Variants in ETFDH observed in about 807,000 individuals in gnomAD.
ETFDH encodes electron transfer flavoprotein dehydrogenase.
A neutral mutation model predicts 73.2 loss-of-function variants in ETFDH; 61 were observed. That is an observed-to-expected ratio of 0.83 (90% CI 0.68 to 1.03). ETFDH has a LOEUF of 1.03. Ranked by LOEUF, ETFDH falls within the 50% of genes least tolerant of loss-of-function variation. The probability of loss-of-function intolerance (pLI) is 0.00; values close to 1 mark genes in which losing one functional copy is unlikely to be tolerated. For synonymous variants in ETFDH, 243 were observed against 253.3 expected (o/e 0.96, Z 0.39); for missense variants, 685 against 745.0 (o/e 0.92, Z 0.94).
chr4:158,680,941 A>G (rs749317791), intron 2 of ETFDH, among the ~76,000 whole-genome samples: 1 of 152,236 alleles, frequency 6.6e-6, no homozygotes, highest in Non-Finnish European at 1.5e-5. Context: ...TTAAAAGTCT[A>G]CCATATACAA....
intron 5 of ETFDH, among the ~76,000 whole-genome samples, chr4:158,687,710 A>G (rs1242147409): frequency 1.3e-5 from 2 of 152,140 alleles, no homozygotes; most frequent in African/African-American, 4.8e-5. Flanking sequence ...ACATCACACT[A>G]TTGATTCTTA....
In ETFDH at chr4:158,708,600, A is replaced by C; in HGVS notation, c.*73A>C. 7.9e-7 allele frequency: 1 copy of C among 1,262,792 alleles called. No individual in the cohort carries two copies. Among genetic ancestry groups the C allele is most frequent in the Non-Finnish European group, 1.2e-6 (1 of 862,896 alleles). 78.2% of individuals were successfully genotyped at this position (1,262,792 alleles called of 1,614,324 possible). ...TGTTTAGAGATTAACAGATTTCAGA[A>C]TGTCTTTCTGCATATTACTGAACAG... On this transcript the variant is annotated 3_prime_UTR_variant, in exon 13 of 13. Transcript: ENST00000511912.
At chr4:158,706,885 T>A in intron 12 of ETFDH, 35 bp downstream of exon 12, 1 of 1,360,118 alleles carries the variant, frequency 7.4e-7, no homozygotes, top group Non-Finnish European at 1.1e-6. Flanking sequence ...ATATTTGCTT[T>A]AAACATTTTA....
At chr4:158,682,012 G>A (rs1773871662) in intron 2 of ETFDH, 183 bp from the exon 3 acceptor site, 2 of 740,672 alleles carry the variant, frequency 2.7e-6, no homozygotes, top group Non-Finnish European at 4.3e-6. Flanking sequence ...AGTATGTACT[G>A]GAACAGAACC....
chr4:158,705,428 C>T (rs1213529543), intron 10 of ETFDH, among the ~76,000 whole-genome samples: 1 of 152,186 alleles, frequency 6.6e-6, no homozygotes, highest in Non-Finnish European at 1.5e-5. Context: ...TAGTAGACCT[C>T]TTCTTAACTA....
chr4:158,708,313 A>T, intron 12 of ETFDH, 51 bp from the exon 13 acceptor site: 1 of 1,427,860 alleles, frequency 7.0e-7, no homozygotes, highest in Non-Finnish European at 9.8e-7. Context: ...TTTTGAATTT[A>T]AAAATTTTTT....
intron 6 of ETFDH, among the ~76,000 whole-genome samples, chr4:158,693,388 C>G (rs1456876534): frequency 6.6e-6 from 1 of 152,152 alleles, no homozygotes; most frequent in Non-Finnish European, 1.5e-5. Context: ...GGTTAAGTAA[C>G]TTGGCTGGGG....
chr4:158,695,737 G>A (rs1032143917), intron 7 of ETFDH, 94 bp downstream of exon 7: 2 of 869,210 alleles, frequency 2.3e-6, no homozygotes, highest in Non-Finnish European at 3.8e-6. Flanking sequence ...TTTAATTTTA[G>A]TTATATTTTT....
chr4:158,676,599 C>T (rs1211408247), intron 1 of ETFDH, among the ~76,000 whole-genome samples: 1 of 152,198 alleles, frequency 6.6e-6, no homozygotes, highest in Non-Finnish European at 1.5e-5. Context: ...AAAGTTAGTT[C>T]AGCCTACTCC....
chr4:158,688,808 A>G (rs1211498354), intron 5 of ETFDH, among the ~76,000 whole-genome samples: 1 of 152,256 alleles, frequency 6.6e-6, no homozygotes, highest in Non-Finnish European at 1.5e-5. Flanking sequence ...CATTACATAC[A>G]TGTTAACTGT....
intron 1 of ETFDH, among the ~76,000 whole-genome samples, chr4:158,676,292 G>A (rs1158682953): frequency 1.3e-5 from 2 of 151,990 alleles, no homozygotes; most frequent in African/African-American, 2.4e-5. Flanking sequence ...GGAGCCAAAC[G>A]ACCAGATGAG....
At chr4:158,681,037 G>A (rs1370224417) in intron 2 of ETFDH, among the ~76,000 whole-genome samples, 2 of 36,554 alleles carry the variant, frequency 5.5e-5, no homozygotes, top group Non-Finnish European at 1.3e-4. Flanking sequence ...TTATTTTAGA[G>A]TGTACTCTTA....
chr4:158,676,528 G>A (rs2150302553), intron 1 of ETFDH, among the ~76,000 whole-genome samples: 1 of 152,294 alleles, frequency 6.6e-6, no homozygotes, highest in African/African-American at 2.4e-5. Flanking sequence ...AGGAAGGAAG[G>A]GGGTTTGTTC....
chr4:158,697,765 T>C lies in ETFDH; in HGVS notation c.972+66T>C, dbSNP rs539683098. Reference sequence around the variant, plus strand: ...TTATATTACCATCAGTGTTATAAAATAAGGGTTTTGAATCTGAAGACTGTA... The same window carrying C: ...TTATATTACCATCAGTGTTATAAAACAAGGGTTTTGAATCTGAAGACTGTA... On this transcript the variant is annotated intron_variant, in intron 8 of 12. Coordinates refer to ENST00000511912, the MANE Select transcript of ETFDH (RefSeq NM_004453.4). 1.2e-5 allele frequency: 18 copies of C among 1,447,056 alleles called. No individual in the cohort carries two copies. The East Asian group carries it at 4.1e-4, about 33-fold the overall frequency. The allele number at this position is 1,447,056 out of a possible 1,614,324, so 89.6% of individuals were successfully genotyped here. A position where few individuals can be genotyped will look rare whatever the true frequency, so the allele number is the denominator to read the frequency against.
rs1561233057 is a variant in ETFDH, at chr4:158,672,467, C to G, written c.11C>G (p.Pro4Arg). 1 of 1,614,112 alleles carries G rather than the reference C, an allele frequency of 6.2e-7. No individual in the cohort carries two copies. Among genetic ancestry groups the G allele is most frequent in the Non-Finnish European group, 8.5e-7 (1 of 1,179,986 alleles). The change falls in exon 1 of 13, where the codon CCG (proline) becomes CGG (arginine). Residue 4 changes from proline to arginine, a missense_variant. By Grantham distance (103) the Pro-to-Arg change is moderately radical. Coordinates refer to ENST00000511912, the MANE Select transcript of ETFDH (RefSeq NM_004453.4). MLV[P>R]LAKLSCLAYQ... Reference sequence around the variant, plus strand: ...CTGGTGACTTTGAACATGCTGGTGCCGCTAGCCAAGCTGTCCTGCCTGGGT... The same window carrying G: ...CTGGTGACTTTGAACATGCTGGTGCGGCTAGCCAAGCTGTCCTGCCTGGGT...
At position 158,695,551 on chromosome 4, in the gene ETFDH, G is replaced by T; in HGVS notation, c.739G>T (p.Gly247Cys). ...TGCTAAAGTCACAATTTTTGCAGAAGGTTGCCATGGACATCTAGCCAAGCA... is the reference window on the plus strand; with the variant it reads ...TGCTAAAGTCACAATTTTTGCAGAATGTTGCCATGGACATCTAGCCAAGCA... The part of the protein sequence containing the change: ...LHAKVTIFAE[G>C]CHGHLAKQLY... Residue 247 changes from glycine to cysteine, a missense_variant, in exon 7 of 13, where the codon GGT becomes TGT. This residue lies in a region of ETFDH where 405 missense variants were observed against 399.3 expected (regional missense o/e 1.01). Transcript: ENST00000511912. 6.2e-7 allele frequency: 1 copy of T among 1,612,764 alleles called. No individual in the cohort carries two copies.
intron 8 of ETFDH, 67 bp downstream of exon 8, chr4:158,697,766 A>C: frequency 7.0e-7 from 1 of 1,420,528 alleles, no homozygotes; most frequent in Non-Finnish European, 9.9e-7. Flanking sequence ...GTTATAAAAT[A>C]AGGGTTTTGA....
chr4:158,682,616 C>T (rs1469210091), intron 3 of ETFDH, among the ~76,000 whole-genome samples, 192 bp downstream of exon 3: 2 of 151,776 alleles, frequency 1.3e-5, no homozygotes, highest in Admixed American at 1.3e-4. Context: ...TCACTGCAAC[C>T]TCCACCTCCC....
rs115355376 is a variant in ETFDH at position 158,705,495 on chromosome 4, C to G, written c.1286-694C>G. On this transcript the variant is annotated intron_variant, in intron 10 of 12. Coordinates refer to ENST00000511912, the MANE Select transcript of ETFDH (RefSeq NM_004453.4). ...TCTAAGGTACTGGAGGTTAGGACTT[C>G]AAAACCTATTTTGGGGGGACATATT... is the stretch of plus-strand genomic sequence containing the variant. Among the ~76,000 whole-genome samples, 275 of 152,282 alleles carry G rather than the reference C, an allele frequency of 1.8e-3. 1 individual carries two copies. The highest frequency in any genetic ancestry group is 6.4e-3 in the African/African-American group (264 of 41,566).
Sources: gnomAD v4.1 joint callset for allele counts (sites outside exome capture counted in the v4.1 genomes callset) on GRCh38, gnomAD v4.1.1 for gene constraint, gnomAD v4.1.1 regional missense constraint, MANE v1.5 for transcripts, NCBI Gene and HGNC (gene_info 2026-07-23, HGNC 2026-07-21) for gene names.